The following MKRN1 variants were observed in gnomAD, a reference collection of about 807,000 sequenced individuals.
MKRN1 encodes the protein makorin ring finger protein 1, also known as E3 ubiquitin-protein ligase makorin-1.
A neutral mutation model predicts 55.5 loss-of-function variants in MKRN1; 9 were observed. The ratio of observed to expected loss-of-function variants is 0.16; its 90% confidence interval spans 0.10 to 0.28. The LOEUF (loss-of-function observed/expected upper bound fraction) is 0.28, where lower values mean the gene tolerates loss of function less well. Ranked by LOEUF, MKRN1 falls within the 10% of genes least tolerant of loss-of-function variation. The pLI, the probability that MKRN1 is intolerant of heterozygous loss-of-function variation, is 1.00. For synonymous variants in MKRN1, 253 were observed against 235.9 expected, an observed-to-expected ratio of 1.07 and a Z score of -0.66; for missense variants, 488 against 626.7, an observed-to-expected ratio of 0.78 and a Z score of 2.36.
chr7:140,458,761 T>C (rs1322300060), intron 4 of MKRN1, among the ~76,000 whole-genome samples: 1 of 152,184 alleles, frequency 6.6e-6, no homozygotes, highest in Non-Finnish European at 1.5e-5. Flanking sequence ...GCTTGAGCGA[T>C]CCTCTTGCCT....
At position 140,457,697 on chromosome 7, in the gene MKRN1, C is replaced by CA. The variant is rs756112935; in HGVS notation, c.772-832dup. Among the ~76,000 whole-genome samples the CA allele has an allele frequency of 2.6e-3, 393 of 148,526 alleles. 1 individual carries two copies. Among genetic ancestry groups the CA allele is most frequent in the African/African-American group, 8.3e-3 (337 of 40,380 alleles). On this transcript the variant is annotated intron_variant, in intron 4 of 7. Transcript: ENST00000255977. Reference sequence around the variant, plus strand: ...TGGGGGACAAAGCAAGACTCTGTCTCAAAAAAAAATAAAAATAAAAAAAAT... The same window carrying CA: ...TGGGGGACAAAGCAAGACTCTGTCTCAAAAAAAAAATAAAAATAAAAAAAAT...
At chr7:140,461,310 C>T (rs901623434) in intron 2 of MKRN1, among the ~76,000 whole-genome samples, 6 of 152,180 alleles carry the variant, frequency 3.9e-5, no homozygotes, top group Admixed American at 3.3e-4. Flanking sequence ...CCACCACCAT[C>T]TCCAAATACG....
intron 2 of MKRN1, among the ~76,000 whole-genome samples, chr7:140,470,356 G>A (rs187136926): frequency 2.0e-3 from 299 of 152,096 alleles, no homozygotes; most frequent in Admixed American, 3.7e-3. Flanking sequence ...AAGCCGAACC[G>A]CGTGGATCAC....
At chr7:140,464,469 CGAGGTGGGCGATCACCT>C (rs1217278984) in intron 2 of MKRN1, among the ~76,000 whole-genome samples, 5 of 151,818 alleles carry the variant, frequency 3.3e-5, no homozygotes, top group African/African-American at 1.2e-4. Context: ...TTTGGGAGGC[CGAGGTGGGCGATCACCT>C]GAGGTCAGGA....
intron 5 of MKRN1, chr7:140,456,105 AG>A: frequency 1.0e-6 from 1 of 1,001,172 alleles, no homozygotes; most frequent in South Asian, 3.5e-5. Context: ...CTCAAGGGCT[AG>A]CCAGTTCTTT....
intron 2 of MKRN1, among the ~76,000 whole-genome samples, chr7:140,467,363 A>C (rs1214707547): frequency 6.6e-6 from 1 of 151,894 alleles, no homozygotes. Flanking sequence ...TGCAAACTCT[A>C]CCTTCCCAGG....
Position 140,479,194 on chromosome 7 carries a change from TGCCGTCGCTGCCGCCGCC to T in MKRN1, c.133_150del (p.Gly45_Gly50del). On this transcript the variant is annotated inframe_deletion, in exon 1 of 8. Transcript: ENST00000255977. Reference sequence around the variant, plus strand: ...ACCTGTTTAGTCCAGCCGCCGCCGCTGCCGTCGCTGCCGCCGCCCCCTCCGCCCGCCCCCAGGGACGGG... The same window carrying T: ...ACCTGTTTAGTCCAGCCGCCGCCGCTCCCTCCGCCCGCCCCCAGGGACGGG... 10 of 1,463,990 alleles carry T rather than the reference TGCCGTCGCTGCCGCCGCC, an allele frequency of 6.8e-6. No homozygotes were observed. The highest frequency in any genetic ancestry group is 8.1e-6 in the Non-Finnish European group (9 of 1,109,040). 90.7% of individuals were successfully genotyped at this position (1,463,990 alleles called of 1,614,324 possible). A position where few individuals can be genotyped will look rare whatever the true frequency, so the allele number is the denominator to read the frequency against.
chr7:140,459,802 T>C lies in MKRN1; in HGVS notation c.449A>G (p.Glu150Gly). Residue 150 changes from glutamate to glycine, a missense_variant, in exon 3 of 8, where the codon GAG becomes GGG. Physicochemically the swap from Glu to Gly is moderately conservative, Grantham distance 98. This residue lies in a region of MKRN1 where 210 missense variants were observed against 220.0 expected (regional missense o/e 0.95). Coordinates refer to ENST00000255977, the MANE Select transcript of MKRN1 (RefSeq NM_013446.4). ...AGTTGCAAAGTTTGAATTTCTTGAC[T>C]CAGCTTCGCCTGTATTCATTTCAAC... is the stretch of plus-strand genomic sequence containing the variant. ...PLVEMNTGEA[E>G]SRNSNFATVG... 2 of 1,613,976 alleles carry C rather than the reference T, an allele frequency of 1.2e-6. No homozygotes were observed. Among genetic ancestry groups the C allele is most frequent in the Non-Finnish European group, 1.7e-6 (2 of 1,179,866 alleles).
chr7:140,463,057 C>T (rs1025374711), intron 2 of MKRN1, among the ~76,000 whole-genome samples: 4 of 152,078 alleles, frequency 2.6e-5, no homozygotes, highest in South Asian at 2.1e-4. Context: ...GTCAGGAGTT[C>T]GAGACCAGCC....
intron 1 of MKRN1, chr7:140,474,531 C>A (rs1585497944): frequency 4.6e-6 from 1 of 216,112 alleles, no homozygotes; most frequent in South Asian, 4.7e-5. Context: ...TAGAAGACAG[C>A]TAGATGTGAT....
At chr7:140,477,956 C>T (rs375876759) in intron 1 of MKRN1, among the ~76,000 whole-genome samples, 5 of 152,184 alleles carry the variant, frequency 3.3e-5, no homozygotes, top group African/African-American at 1.2e-4. Flanking sequence ...TGCGTTTATG[C>T]TTTCTACATC....
At chr7:140,465,678 A>C (rs1794745129) in intron 2 of MKRN1, among the ~76,000 whole-genome samples, 1 of 152,044 alleles carries the variant, frequency 6.6e-6, no homozygotes, top group African/African-American at 2.4e-5. Flanking sequence ...AATCCTCTCA[A>C]CTGTTGGGGC....
chr7:140,471,930 C>G lies in MKRN1; in HGVS notation c.267G>C (p.Val89=). The stretch of plus-strand genomic sequence containing the variant: ...AGTACCCTCGCTGAAAATACTTGCA[C>G]ACTACACTATACGGACTGTCAGAGA... The part of the protein sequence containing the change: ...HDLSDSPYSV[V]CKYFQRGYCI... The change falls in exon 2 of 8, where the codon GTG becomes GTC. Residue 89 remains valine, a synonymous_variant. Coordinates refer to ENST00000255977, the MANE Select transcript of MKRN1 (RefSeq NM_013446.4). 6.2e-7 allele frequency: 1 copy of G among 1,614,156 alleles called. No homozygotes were observed. The highest frequency in any genetic ancestry group is 8.5e-7 in the Non-Finnish European group (1 of 1,180,036).
intron 2 of MKRN1, chr7:140,460,310 C>CT (rs57140647): frequency 0.02 from 2,270 of 112,492 alleles, 32 homozygotes; most frequent in Middle Eastern, 0.035. Context: ...TTTTTCTTTT[C>CT]TTTTTTTTTT....
chr7:140,455,606 A>AC (rs1482093269), intron 6 of MKRN1, 184 bp downstream of exon 6: 8 of 586,926 alleles, frequency 1.4e-5, no homozygotes, highest in African/African-American at 1.3e-4. Context: ...CTTGGCATGG[A>AC]CCCCAAGGAC....
At chr7:140,473,754 A>T (rs1260027720) in intron 1 of MKRN1, 1 of 152,372 alleles carries the variant, frequency 6.6e-6, no homozygotes, top group Non-Finnish European at 1.5e-5. Context: ...GCACTTTGGG[A>T]GGCCAAGGCG....
At chr7:140,461,644 T>TA (rs555908205) in intron 2 of MKRN1, among the ~76,000 whole-genome samples, 463 of 146,094 alleles carry the variant, frequency 3.2e-3, no homozygotes, top group African/African-American at 5.7e-3. Context: ...CAAAAAATAA[T>TA]AAAAAAAAAG....
At chr7:140,474,723 T>C (rs1795069285) in intron 1 of MKRN1, among the ~76,000 whole-genome samples, 1 of 86,304 alleles carries the variant, frequency 1.2e-5, no homozygotes, top group African/African-American at 1.9e-4. Flanking sequence ...CCTTCTTTCT[T>C]TTTTTTTTTT....
intron 1 of MKRN1, chr7:140,475,256 T>G (rs1459153592): frequency 2.3e-6 from 1 of 432,902 alleles, no homozygotes; most frequent in Admixed American, 2.5e-5. Flanking sequence ...GGCACCAGAA[T>G]TCCTTGAACC....
Sources: allele counts gnomAD v4.1 joint callset (sites outside exome capture counted in the v4.1 genomes callset), GRCh38; gene constraint gnomAD v4.1.1; regional missense constraint gnomAD v4.1.1; transcripts MANE v1.5; gene names NCBI Gene and HGNC (gene_info 2026-07-23, HGNC 2026-07-21).